Variants in PDLIM5 observed in about 807,000 individuals in gnomAD.
PDLIM5 encodes PDZ and LIM domain protein 5.
Under a neutral mutation model 64.2 loss-of-function variants are expected in PDLIM5, and 34 were observed. That is an observed-to-expected ratio of 0.53 (90% confidence interval 0.40 to 0.71). The LOEUF is 0.71. Ranked by LOEUF, PDLIM5 falls within the 30% of genes least tolerant of loss-of-function variation. PDLIM5 has a pLI of 0.00. For missense variants in PDLIM5, 683 were observed against 733.6 expected (o/e 0.93, Z 0.80); for synonymous variants, 253 against 269.1 (o/e 0.94, Z 0.59).
intron 2 of PDLIM5, among the ~76,000 whole-genome samples, chr4:94,522,372 ATTTTATT>A (rs940685921): frequency 2.0e-5 from 3 of 151,876 alleles, no homozygotes; most frequent in Non-Finnish European, 4.4e-5. Context: ...CATGTTTATC[ATTTTATT>A]TTTTATTTTT....
chr4:94,629,383 A>G (rs1739963572), intron 8 of PDLIM5, among the ~76,000 whole-genome samples: 1 of 152,086 alleles, frequency 6.6e-6, no homozygotes, highest in Non-Finnish European at 1.5e-5. Context: ...TATTGTGGTA[A>G]ATAATTTGTT....
chr4:94,614,177 G>A (rs953888885), intron 7 of PDLIM5, among the ~76,000 whole-genome samples: 45 of 152,042 alleles, frequency 3.0e-4, no homozygotes, highest in Admixed American at 2.7e-3. Context: ...TGTCCAGGAT[G>A]GTCTCCATCT....
rs758688130 is a variant in PDLIM5 at position 94,523,748 on chromosome 4, C to A, written c.121C>A (p.Gln41Lys). 1.2e-6 allele frequency: 2 copies of A among 1,612,926 alleles called. No homozygotes were observed. Among genetic ancestry groups the A allele is most frequent in the South Asian group, 2.2e-5 (2 of 91,016 alleles). Residue 41 changes from glutamine to lysine, a missense_variant, in exon 3 of 13, where the codon CAG becomes AAG. Transcript: ENST00000317968. ...SSLKDGGKAA[Q>K]ANVRIGDVVL... ...GCTAAAAGATGGCGGCAAGGCAGCC[C>A]AGGCAAATGTAAGAATAGGCGATGT...
At chr4:94,548,744 C>T (rs1381073643) in intron 3 of PDLIM5, among the ~76,000 whole-genome samples, 4 of 152,134 alleles carry the variant, frequency 2.6e-5, no homozygotes, top group African/African-American at 9.7e-5. Flanking sequence ...TCCCTCTAAG[C>T]TTAGTATAGT....
Position 94,479,690 on chromosome 4 carries a change from T to C in PDLIM5, c.96+24306T>C, listed in dbSNP as rs184431572. On this transcript the variant is annotated intron_variant, in intron 2 of 12. Coordinates refer to ENST00000317968, the MANE Select transcript of PDLIM5 (RefSeq NM_006457.5). ...ACCATGATGAGAAACTAAACCATTC[T>C]TAGATTATTCCATTTTAAGATATAC... Among the ~76,000 whole-genome samples, 576 of 152,334 alleles carry C rather than the reference T, an allele frequency of 3.8e-3. 5 individuals carry two copies. Among genetic ancestry groups the C allele is most frequent in the Non-Finnish European group, 6.0e-3 (407 of 68,030 alleles).
At chr4:94,488,801 C>A (rs192411895) in intron 2 of PDLIM5, among the ~76,000 whole-genome samples, 1 of 152,312 alleles carries the variant, frequency 6.6e-6, no homozygotes, top group East Asian at 1.9e-4. Context: ...GTTTTACATT[C>A]CCCCTCTCCA....
At chr4:94,474,334 TCCG>T (rs2126096731) in intron 2 of PDLIM5, among the ~76,000 whole-genome samples, 1 of 152,162 alleles carries the variant, frequency 6.6e-6, no homozygotes, top group East Asian at 1.9e-4. Flanking sequence ...CCGTGCTACC[TCCG>T]CCTCCTGGGT....
intron 3 of PDLIM5, among the ~76,000 whole-genome samples, chr4:94,572,490 A>G (rs546938064): frequency 6.6e-6 from 1 of 152,270 alleles, no homozygotes; most frequent in South Asian, 2.1e-4. Context: ...CTTGGATATG[A>G]TTAAGATTAT....
At chr4:94,488,168 G>T (rs953901584) in intron 2 of PDLIM5, among the ~76,000 whole-genome samples, 46 of 152,188 alleles carry the variant, frequency 3.0e-4, no homozygotes, top group African/African-American at 1.1e-3. Flanking sequence ...TGGCGGTTCT[G>T]CATGTGAAAT....
At chr4:94,507,217 C>CAT (rs200365389) in intron 2 of PDLIM5, among the ~76,000 whole-genome samples, 1,801 of 151,542 alleles carry the variant, frequency 0.012, 18 homozygotes, top group Non-Finnish European at 0.019. Flanking sequence ...AATAAATTCC[C>CAT]ATATATATAT....
intron 2 of PDLIM5, among the ~76,000 whole-genome samples, chr4:94,496,250 AT>A (rs1473814419): frequency 6.6e-6 from 1 of 152,194 alleles, no homozygotes; most frequent in Non-Finnish European, 1.5e-5. Context: ...AGGTAAAAAA[AT>A]AATTTTAGAA....
intron 8 of PDLIM5, among the ~76,000 whole-genome samples, chr4:94,619,802 T>C (rs72878497): frequency 0.064 from 9,721 of 152,136 alleles, 1,057 homozygotes; most frequent in African/African-American, 0.22. Context: ...ATTTTTTTTC[T>C]GGTAGAGGTG....
chr4:94,471,874 T>C lies in PDLIM5; in HGVS notation c.96+16490T>C, dbSNP rs9683670. On this transcript the variant is annotated intron_variant, in intron 2 of 12. Transcript: ENST00000317968. ...TTATAAGTATTTGTACTTACAAAGA[T>C]CTTATAAGTATTTATACTTACAAAG... 1.2e-4 allele frequency among the ~76,000 whole-genome samples: 19 copies of C among 152,082 alleles called. No homozygotes were observed. The East Asian group carries it at 2.5e-3, about 20-fold the overall frequency.
At chr4:94,644,641 A>G (rs1741264913) in intron 9 of PDLIM5, among the ~76,000 whole-genome samples, 1 of 151,756 alleles carries the variant, frequency 6.6e-6, no homozygotes, top group South Asian at 2.1e-4. Flanking sequence ...TCCCAGGTTC[A>G]AGCAATTCTC....
At chr4:94,495,255 A>G (rs1174221513) in intron 2 of PDLIM5, among the ~76,000 whole-genome samples, 1 of 152,194 alleles carries the variant, frequency 6.6e-6, no homozygotes, top group Non-Finnish European at 1.5e-5. Context: ...ATTATACTAA[A>G]GGTTCTACTT....
intron 1 of PDLIM5, among the ~76,000 whole-genome samples, chr4:94,453,771 G>GTTT (rs1317109497): frequency 4.6e-5 from 7 of 152,230 alleles, no homozygotes; most frequent in African/African-American, 1.7e-4. Flanking sequence ...CCCACTAGTA[G>GTTT]TTTTTCACCT....
chr4:94,500,771 TTTTATTTATTTA>T (rs111387310), intron 2 of PDLIM5, among the ~76,000 whole-genome samples: 1 of 148,952 alleles, frequency 6.7e-6, no homozygotes, highest in Non-Finnish European at 1.5e-5. Context: ...AGTTTATGGA[TTTTATTTATTTA>T]TTTATTTATT....
At chr4:94,521,675 A>G (rs1362530461) in intron 2 of PDLIM5, among the ~76,000 whole-genome samples, 2 of 151,686 alleles carry the variant, frequency 1.3e-5, no homozygotes, top group Non-Finnish European at 2.9e-5. Context: ...CTTTGATTCC[A>G]TTATTTTCTT....
intron 9 of PDLIM5, among the ~76,000 whole-genome samples, chr4:94,653,614 AG>A (rs947342293): frequency 3.3e-5 from 5 of 151,860 alleles, no homozygotes; most frequent in Admixed American, 6.6e-5. Context: ...CATGTTGGGG[AG>A]GGGGGAGAGG....
Sources: gnomAD v4.1 joint callset for allele counts (sites outside exome capture counted in the v4.1 genomes callset) on GRCh38, gnomAD v4.1.1 for gene constraint, MANE v1.5 for transcripts, NCBI Gene and HGNC (gene_info 2026-07-23, HGNC 2026-07-21) for gene names.